Variants in SPOCK1 observed in about 807,000 individuals in gnomAD.
SPOCK1 encodes testican-1.
In SPOCK1, 23 loss-of-function variants were observed where a neutral mutation model predicts 55.3. The observed-to-expected ratio is 0.42, with a 90% CI of 0.30 to 0.59. The LOEUF is 0.59. SPOCK1 is among the 20% of genes least tolerant of loss of function. SPOCK1 has a pLI of 0.22. For synonymous variants in SPOCK1, 226 were observed against 221.0 expected (o/e 1.02, Z -0.20); for missense variants, 499 against 552.5 (o/e 0.90, Z 0.97).
At chr5:137,183,236 A>G (rs763116506) in intron 3 of SPOCK1, among the ~76,000 whole-genome samples, 1 of 152,216 alleles carries the variant, frequency 6.6e-6, no homozygotes, top group Non-Finnish European at 1.5e-5. Context: ...TTTGGCAAAG[A>G]AGAATGAGCA....
intron 2 of SPOCK1, among the ~76,000 whole-genome samples, chr5:137,270,229 A>T (rs1319434675): frequency 6.6e-6 from 1 of 152,270 alleles, no homozygotes; most frequent in South Asian, 2.1e-4. Flanking sequence ...CAGGCAAGGC[A>T]TATCTATCTG....
chr5:137,433,457 T>C (rs1262217862), intron 2 of SPOCK1, among the ~76,000 whole-genome samples: 2 of 152,194 alleles, frequency 1.3e-5, no homozygotes, highest in Admixed American at 6.5e-5. Context: ...TTGTCAAAAT[T>C]GTCAATTCAA....
intron 3 of SPOCK1, among the ~76,000 whole-genome samples, chr5:137,265,362 C>T (rs1029150378): frequency 3.3e-5 from 5 of 152,118 alleles, no homozygotes; most frequent in Non-Finnish European, 5.9e-5. Context: ...GCACAAGAAC[C>T]TATTTCTAGT....
At chr5:137,331,771 A>C (rs1758188462) in intron 2 of SPOCK1, among the ~76,000 whole-genome samples, 1 of 152,098 alleles carries the variant, frequency 6.6e-6, no homozygotes, top group African/African-American at 2.4e-5. Context: ...CCCACGATCC[A>C]ATCACCTCCC....
At chr5:137,314,169 C>A (rs941761229) in intron 2 of SPOCK1, among the ~76,000 whole-genome samples, 26 of 152,034 alleles carry the variant, frequency 1.7e-4, no homozygotes, top group African/African-American at 6.3e-4. Context: ...TCTCTGAGGA[C>A]AAGCAGTGCC....
intron 2 of SPOCK1, among the ~76,000 whole-genome samples, chr5:137,479,330 A>G (rs1464574650): frequency 2.0e-5 from 3 of 152,242 alleles, no homozygotes; most frequent in African/African-American, 7.2e-5. Context: ...GGAGCATCAT[A>G]AACAGTAGCT....
intron 6 of SPOCK1, among the ~76,000 whole-genome samples, chr5:137,059,213 TAA>T (rs1417139665): frequency 6.6e-6 from 1 of 152,226 alleles, no homozygotes; most frequent in Non-Finnish European, 1.5e-5. Context: ...ATTACATATT[TAA>T]GTCTGGAGTT....
intron 3 of SPOCK1, among the ~76,000 whole-genome samples, chr5:137,227,724 A>C (rs1755971414): frequency 6.6e-6 from 1 of 152,220 alleles, no homozygotes; most frequent in Non-Finnish European, 1.5e-5. Flanking sequence ...GGGCTTTGCA[A>C]ACAAAGATGA....
chr5:137,206,335 C>T (rs1755520323), intron 3 of SPOCK1, among the ~76,000 whole-genome samples: 1 of 152,214 alleles, frequency 6.6e-6, no homozygotes, highest in Admixed American at 6.5e-5. Context: ...GCCATGCCGG[C>T]CTCCTAGGCC....
chr5:137,033,422 C>T (rs182307805), intron 6 of SPOCK1, among the ~76,000 whole-genome samples: 37 of 152,326 alleles, frequency 2.4e-4, no homozygotes, highest in Admixed American at 1.8e-3. Flanking sequence ...TATTGAAATG[C>T]CCCACGTCTG....
At chr5:137,077,271 AGTGCTATGT>A (rs1167256004) in intron 5 of SPOCK1, among the ~76,000 whole-genome samples, 1 of 152,196 alleles carries the variant, frequency 6.6e-6, no homozygotes, top group Non-Finnish European at 1.5e-5. Context: ...TCCCTAGTCC[AGTGCTATGT>A]GTAATGACTC....
At chr5:137,162,447 C>T (rs12519365) in intron 3 of SPOCK1, among the ~76,000 whole-genome samples, 7,933 of 152,110 alleles carry the variant, frequency 0.052, 383 homozygotes, top group East Asian at 0.14. Context: ...CCTTATAATG[C>T]TTTCTGAAAT....
intron 2 of SPOCK1, among the ~76,000 whole-genome samples, chr5:137,479,986 T>A (rs1753916078): frequency 6.6e-6 from 1 of 151,962 alleles, no homozygotes; most frequent in African/African-American, 2.4e-5. Flanking sequence ...AATCAGACAT[T>A]CATCCCCACT....
At chr5:137,133,276 A>T (rs1753917866) in intron 4 of SPOCK1, among the ~76,000 whole-genome samples, 1 of 152,002 alleles carries the variant, frequency 6.6e-6, no homozygotes, top group Non-Finnish European at 1.5e-5. Flanking sequence ...AGGCTGAGGC[A>T]GAAAAATTGC....
intron 3 of SPOCK1, among the ~76,000 whole-genome samples, chr5:137,172,237 C>A (rs1358924334): frequency 6.6e-6 from 1 of 152,160 alleles, no homozygotes; most frequent in Non-Finnish European, 1.5e-5. Context: ...ACAGAAAGTG[C>A]CTGATCCTGC....
chr5:137,331,056 C>T (rs1419342767), intron 2 of SPOCK1, among the ~76,000 whole-genome samples: 1 of 152,202 alleles, frequency 6.6e-6, no homozygotes, highest in East Asian at 1.9e-4. Context: ...CCTAGCCTAA[C>T]TGAACTTCCT....
chr5:137,263,207 G>A (rs1756782569), intron 3 of SPOCK1, among the ~76,000 whole-genome samples: 1 of 152,186 alleles, frequency 6.6e-6, no homozygotes, highest in African/African-American at 2.4e-5. Flanking sequence ...GGCAAATTTG[G>A]AAAATGATAG....
rs7727345 is a variant in SPOCK1, at chr5:137,087,103, G to A, written c.475-19274C>T. ...GATATTTGCTGAAATTAATCAAATC[G>A]ATACAACAAAAAGCCACCAGAAAAG... On this transcript the variant is annotated intron_variant, in intron 5 of 10. Coordinates refer to ENST00000394945, the MANE Select transcript of SPOCK1 (RefSeq NM_004598.4). Among the ~76,000 whole-genome samples, 512 of 152,268 alleles carry A rather than the reference G, an allele frequency of 3.4e-3. 1 individual carries two copies. Among genetic ancestry groups the A allele is most frequent in the African/African-American group, 0.012 (478 of 41,560 alleles).
intron 2 of SPOCK1, among the ~76,000 whole-genome samples, chr5:137,374,778 A>AT (rs924452785): frequency 7.9e-5 from 12 of 151,770 alleles, no homozygotes; most frequent in Admixed American, 3.9e-4. Flanking sequence ...CAATGTAAGG[A>AT]TTTTTTTTTC....
Sources: gnomAD v4.1 joint callset for allele counts (sites outside exome capture counted in the v4.1 genomes callset) on GRCh38, gnomAD v4.1.1 for gene constraint, MANE v1.5 for transcripts, NCBI Gene and HGNC (gene_info 2026-07-23, HGNC 2026-07-21) for gene names.